Variants in LRRFIP1 observed in about 807,000 individuals in gnomAD.
LRRFIP1 encodes LRR binding FLII interacting protein 1, also known as leucine-rich repeat flightless-interacting protein 1.
In LRRFIP1, 62 loss-of-function variants were observed where a neutral mutation model predicts 104.4. The ratio of observed to expected loss-of-function variants is 0.59; its 90% CI spans 0.48 to 0.73. The LOEUF (loss-of-function observed/expected upper bound fraction) is 0.73. Among genes scored for constraint, LRRFIP1 ranks in the 30% least tolerant of loss-of-function variants. The probability of loss-of-function intolerance (pLI) is 0.00; values close to 1 mark genes in which losing one functional copy is unlikely to be tolerated. For synonymous variants in LRRFIP1, 300 were observed against 299.0 expected, an observed-to-expected ratio of 1.00 and a Z score of -0.03; for missense variants, 796 against 824.5, an observed-to-expected ratio of 0.97 and a Z score of 0.42.
chr2:237,664,008 G>A (rs925053178), intron 1 of LRRFIP1, among the ~76,000 whole-genome samples: 1 of 152,144 alleles, frequency 6.6e-6, no homozygotes, highest in Admixed American at 6.5e-5. Flanking sequence ...AGGAAGGGTC[G>A]CCCTCAGGGC....
intron 1 of LRRFIP1, among the ~76,000 whole-genome samples, chr2:237,657,092 T>A (rs1478055514): frequency 6.6e-6 from 1 of 152,198 alleles, no homozygotes; most frequent in Non-Finnish European, 1.5e-5. Context: ...GTAGGGGGCA[T>A]CCTTGCACCA....
intron 19 of LRRFIP1, chr2:237,764,891 T>C (rs2060157064): frequency 2.0e-6 from 2 of 985,696 alleles, no homozygotes; most frequent in Non-Finnish European, 2.4e-6. Context: ...TATAGAAAGA[T>C]TTAAAGTTTT....
intron 8 of LRRFIP1, among the ~76,000 whole-genome samples, chr2:237,732,659 G>A (rs761085008): frequency 3.3e-5 from 5 of 152,202 alleles, no homozygotes; most frequent in South Asian, 4.1e-4. Context: ...TTTATTAAAT[G>A]CATATTTTCA....
In LRRFIP1 at chr2:237,756,185, G is replaced by A. The variant is rs770671265; in HGVS notation, c.1129G>A (p.Glu377Lys). Residue 377 changes from glutamate (E) to lysine (K), a missense_variant and splice_region_variant, in exon 16 of 24, where the codon GAG becomes AAG. By Grantham distance (56) the Glu-to-Lys change is moderately conservative. Coordinates refer to ENST00000308482, the MANE Select transcript of LRRFIP1 (RefSeq NM_001137550.2). Reference protein sequence around the residue: ...EALKQREEMLEEIRQLQQKQA... With the variant: ...EALKQREEMLKEIRQLQQKQA... ...CCTGAAGCAAAGAGAGGAAATGCTC[G>A]AGGTAGGTAGCATTCTCCTGCTTTT... 1.1e-5 allele frequency: 18 copies of A among 1,610,872 alleles called. No individual in the cohort carries two copies. Among genetic ancestry groups the A allele is most frequent in the South Asian group, 8.8e-5 (8 of 90,918 alleles).
chr2:237,694,052 T>C (rs2092998574), intron 1 of LRRFIP1, among the ~76,000 whole-genome samples: 1 of 152,136 alleles, frequency 6.6e-6, no homozygotes, highest in African/African-American at 2.4e-5. Flanking sequence ...ACCGGAAGGT[T>C]TGTGTTTTGT....
chr2:237,670,815 G>T (rs545323495), intron 1 of LRRFIP1, among the ~76,000 whole-genome samples: 1 of 152,212 alleles, frequency 6.6e-6, no homozygotes, highest in Non-Finnish European at 1.5e-5. Context: ...GTTCCTCCCC[G>T]TGGGGCCGTT....
chr2:237,733,657 A>C (rs2095113363), intron 8 of LRRFIP1, 117 bp from the exon 9 acceptor site: 2 of 968,738 alleles, frequency 2.1e-6, no homozygotes, highest in Non-Finnish European at 3.3e-6. Context: ...TTTCTGTTTA[A>C]CCACTGTACA....
intron 19 of LRRFIP1, chr2:237,764,065 C>G (rs1288880219): frequency 1.2e-5 from 19 of 1,614,066 alleles, no homozygotes; most frequent in Non-Finnish European, 1.4e-5. Context: ...CAGGGCACTT[C>G]AATCCAGAAA....
Position 237,772,063 on chromosome 2 carries a change from A to T in LRRFIP1, c.1510-18A>T. ...CAGAGTAGAGAAATTAACAGATTTT[A>T]CTGGCGGGTGTTTTCAGATTAAGAA... On this transcript the variant is annotated intron_variant, in intron 20 of 23. Coordinates refer to ENST00000308482, the MANE Select transcript of LRRFIP1 (RefSeq NM_001137550.2). 6.6e-7 allele frequency: 1 copy of T among 1,523,460 alleles called. No individual in the cohort carries two copies. Among genetic ancestry groups the T allele is most frequent in the Non-Finnish European group, 9.0e-7 (1 of 1,108,482 alleles). 94.4% of individuals were successfully genotyped at this position (1,523,460 alleles called of 1,614,324 possible). A position where few individuals can be genotyped will look rare whatever the true frequency, so the allele number is the denominator to read the frequency against.
chr2:237,677,461 A>G (rs1245902271), intron 1 of LRRFIP1, among the ~76,000 whole-genome samples: 1 of 152,124 alleles, frequency 6.6e-6, no homozygotes, highest in African/African-American at 2.4e-5. Context: ...GGTTGCTTCT[A>G]CCTACAAAAG....
intron 1 of LRRFIP1, among the ~76,000 whole-genome samples, chr2:237,701,015 G>A (rs1559589618): frequency 2.6e-5 from 4 of 152,202 alleles, no homozygotes; most frequent in Admixed American, 2.6e-4. Context: ...AACATTTCCT[G>A]TGACTGTAGG....
rs1278977286 is a variant in LRRFIP1, at chr2:237,649,243, C to T, written c.96+21503C>T. On this transcript the variant is annotated intron_variant, in intron 1 of 23. Coordinates refer to ENST00000308482, the MANE Select transcript of LRRFIP1 (RefSeq NM_001137550.2). This position sits in a 1 kb window ranked among gnomAD's most constrained non-coding sequence, Gnocchi z 4.1. ...CCACAGCTGTGCCCAGCTACGAACACTGTAGGCCGGGCGCGATGGCTCACA... is the reference window on the plus strand; with the variant it reads ...CCACAGCTGTGCCCAGCTACGAACATTGTAGGCCGGGCGCGATGGCTCACA... Among the ~76,000 whole-genome samples, 2 of 151,876 alleles carry T rather than the reference C, an allele frequency of 1.3e-5. No individual in the cohort carries two copies. The highest frequency in any genetic ancestry group is 6.5e-5 in the Admixed American group (1 of 15,286).
intron 1 of LRRFIP1, among the ~76,000 whole-genome samples, chr2:237,666,767 CTCTT>C (rs1179276334): frequency 1.6e-5 from 2 of 124,928 alleles, no homozygotes; most frequent in East Asian, 2.4e-4. Flanking sequence ...CTTTCTTTCT[CTCTT>C]TCTCTCTGTC....
Position 237,711,228 on chromosome 2 carries a change from G to A in LRRFIP1, c.183+2598G>A, listed in dbSNP as rs768178138. The stretch of plus-strand genomic sequence containing the variant: ...CTTGCGGAGAACATCTGATGAAATC[G>A]GGAAGTCTCACGTAAAACGCCATGG... On this transcript the variant is annotated intron_variant, in intron 2 of 23. Coordinates refer to ENST00000308482, the MANE Select transcript of LRRFIP1 (RefSeq NM_001137550.2). The surrounding 1 kb of genome is among the most constrained non-coding windows in gnomAD (Gnocchi z 4.4). Among the ~76,000 whole-genome samples, 23 of 152,192 alleles carry A rather than the reference G, an allele frequency of 1.5e-4. No individual in the cohort carries two copies. Among genetic ancestry groups the A allele is most frequent in the Non-Finnish European group, 2.9e-4 (20 of 68,046 alleles).
intron 23 of LRRFIP1, among the ~76,000 whole-genome samples, chr2:237,779,048 C>T (rs1348664518): frequency 6.6e-6 from 1 of 152,132 alleles, no homozygotes; most frequent in Non-Finnish European, 1.5e-5. Flanking sequence ...ATGGCAAAAC[C>T]CCGTCTCTAC....
intron 19 of LRRFIP1, among the ~76,000 whole-genome samples, chr2:237,762,261 G>C (rs796171787): frequency 7.2e-5 from 11 of 152,324 alleles, no homozygotes; most frequent in African/African-American, 2.6e-4. Flanking sequence ...CCTTCAGTCT[G>C]TTCCTAAACC....
intron 1 of LRRFIP1, among the ~76,000 whole-genome samples, chr2:237,635,123 T>G (rs2082899878): frequency 6.6e-6 from 1 of 152,254 alleles, no homozygotes; most frequent in South Asian, 2.1e-4. Flanking sequence ...AACACATCCT[T>G]CAGTAGCTTT....
At chr2:237,629,540 C>A (rs557334015) in intron 1 of LRRFIP1, among the ~76,000 whole-genome samples, 1 of 145,326 alleles carries the variant, frequency 6.9e-6, no homozygotes, top group African/African-American at 2.6e-5. Context: ...GGTATGATCT[C>A]GGCTCACTGC....
intron 1 of LRRFIP1, among the ~76,000 whole-genome samples, chr2:237,686,767 C>T (rs2092400948): frequency 6.6e-6 from 1 of 152,294 alleles, no homozygotes; most frequent in Non-Finnish European, 1.5e-5. Flanking sequence ...AGTCAGGACC[C>T]TGGCCTGAGG....
Sources: allele counts gnomAD v4.1 joint callset (sites outside exome capture counted in the v4.1 genomes callset), GRCh38; gene constraint gnomAD v4.1.1; non-coding constraint Gnocchi (gnomAD v3.1); transcripts MANE v1.5; gene names NCBI Gene and HGNC (gene_info 2026-07-23, HGNC 2026-07-21).